WDR70: variants seen among roughly 807,000 people sequenced by gnomAD.
The protein encoded by WDR70 is WD repeat domain 70.
Under a neutral mutation model 88.6 loss-of-function variants are expected in WDR70, and 53 were observed. The ratio of observed to expected loss-of-function variants is 0.60; its 90% CI spans 0.48 to 0.75. WDR70 has a LOEUF of 0.75. Ranked by LOEUF, WDR70 falls within the 30% of genes least tolerant of loss-of-function variation. The pLI, the probability that WDR70 is intolerant of heterozygous loss-of-function variation, is 0.00. For missense variants in WDR70, 610 were observed against 823.2 expected (o/e 0.74, Z 3.17); for synonymous variants, 280 against 270.0 (o/e 1.04, Z -0.36).
At position 37,601,382 on chromosome 5, in the gene WDR70, G is replaced by A. The variant is rs1002839459; in HGVS notation, c.918-3682G>A. Among the ~76,000 whole-genome samples the A allele has an allele frequency of 3.8e-4, 58 of 152,110 alleles. 1 individual carries two copies. Among genetic ancestry groups the A allele is most frequent in the Admixed American group, 3.1e-3 (47 of 15,274 alleles). ...TACCTGGGATAAATCCCATTTGATC[G>A]TGGTGAATTATCTTCTTCATAAGCT... On this transcript the variant is annotated intron_variant, in intron 9 of 17. Transcript: ENST00000265107.
At chr5:37,466,841 T>C (rs1448679483) in intron 7 of WDR70, among the ~76,000 whole-genome samples, 1 of 152,058 alleles carries the variant, frequency 6.6e-6, no homozygotes, top group Non-Finnish European at 1.5e-5. Context: ...TTCCTCGTCA[T>C]GTAAAGTTCT....
rs116043152 is a variant in WDR70, at chr5:37,490,054, C to T, written c.840+10067C>T. On this transcript the variant is annotated intron_variant, in intron 8 of 17. Transcript: ENST00000265107. ...GGGCAATTCCTAGGCCTTCAGATGG[C>T]GTGCTATGGTGCGGCAGGCATTCTG... Among the ~76,000 whole-genome samples, 292 of 152,094 alleles carry T rather than the reference C, an allele frequency of 1.9e-3. 1 individual carries two copies. The highest frequency in any genetic ancestry group is 6.7e-3 in the African/African-American group (279 of 41,490).
At chr5:37,519,878 T>C (rs897253170) in intron 9 of WDR70, among the ~76,000 whole-genome samples, 4 of 152,232 alleles carry the variant, frequency 2.6e-5, no homozygotes, top group African/African-American at 9.6e-5. Flanking sequence ...GTTTTACTAA[T>C]TTACATTTTC....
chr5:37,634,115 C>T lies in WDR70; in HGVS notation c.1092+28877C>T, dbSNP rs879656029. On this transcript the variant is annotated intron_variant, in intron 10 of 17. Coordinates refer to ENST00000265107, the MANE Select transcript of WDR70 (RefSeq NM_018034.4). ...GAGATGGAGACCATCCTGGCTAACA[C>T]GGTGAAACCCCATCTCTACTAAAAA... Among the ~76,000 whole-genome samples the T allele has an allele frequency of 6.6e-5, 10 of 151,594 alleles. No homozygotes were observed. The East Asian group carries it at 1.4e-3, about 21-fold the overall frequency.
At chr5:37,585,703 AG>A (rs2112435334) in intron 9 of WDR70, among the ~76,000 whole-genome samples, 1 of 152,190 alleles carries the variant, frequency 6.6e-6, no homozygotes, top group East Asian at 1.9e-4. Context: ...ATTCCTTTTT[AG>A]CCCCATACTG....
intron 5 of WDR70, among the ~76,000 whole-genome samples, chr5:37,420,848 AG>A (rs1351346663): frequency 1.3e-5 from 2 of 152,074 alleles, no homozygotes; most frequent in African/African-American, 4.8e-5. Flanking sequence ...CAGGAGGCAG[AG>A]GTTGCAGTGA....
At chr5:37,403,892 A>G (rs1212254182) in intron 5 of WDR70, among the ~76,000 whole-genome samples, 1 of 152,048 alleles carries the variant, frequency 6.6e-6, no homozygotes. Flanking sequence ...ACAGGTGCAT[A>G]CAACCACATC....
At chr5:37,606,904 TC>T (rs1744045566) in intron 10 of WDR70, among the ~76,000 whole-genome samples, 2 of 19,644 alleles carry the variant, frequency 1.0e-4, no homozygotes, top group African/African-American at 2.3e-4. Context: ...TCCCCTCCCC[TC>T]CCCTCCCCTC....
intron 10 of WDR70, among the ~76,000 whole-genome samples, chr5:37,617,966 G>C (rs1350015147): frequency 1.3e-5 from 2 of 152,014 alleles, no homozygotes; most frequent in Non-Finnish European, 2.9e-5. Context: ...GAAGCCAGAA[G>C]GAAAATTGAG....
chr5:37,488,114 A>T, intron 8 of WDR70, among the ~76,000 whole-genome samples: 1 of 146,518 alleles, frequency 6.8e-6, no homozygotes. Flanking sequence ...CACTTTGACA[A>T]TATCATTTCA....
chr5:37,634,060 G>A (rs112539415), intron 10 of WDR70, among the ~76,000 whole-genome samples: 24 of 152,164 alleles, frequency 1.6e-4, no homozygotes, highest in African/African-American at 5.5e-4. Context: ...AGCACTTTGG[G>A]AGGTCTTGGT....
rs1160757865 is a variant in WDR70, at chr5:37,703,058, A to G, written c.1387A>G (p.Arg463Gly). Residue 463 changes from arginine (R) to glycine (G), a missense_variant, in exon 13 of 18, where the codon AGG becomes GGG. Arg to Gly is a moderately radical substitution (Grantham distance 125). Coordinates refer to ENST00000265107, the MANE Select transcript of WDR70 (RefSeq NM_018034.4). ...LVFFERRTFQ[R>G]VYEIDITDAS... ...TTTCTTTGAGCGTAGGACTTTCCAAAGGGTGTATGAAATAGACATCACAGA... is the reference window on the plus strand; with the variant it reads ...TTTCTTTGAGCGTAGGACTTTCCAAGGGGTGTATGAAATAGACATCACAGA... 6.2e-7 allele frequency: 1 copy of G among 1,613,098 alleles called. No homozygotes were observed. The highest frequency in any genetic ancestry group is 8.5e-7 in the Non-Finnish European group (1 of 1,179,278).
At chr5:37,561,074 A>G (rs958522889) in intron 9 of WDR70, among the ~76,000 whole-genome samples, 1 of 152,168 alleles carries the variant, frequency 6.6e-6, no homozygotes, top group Non-Finnish European at 1.5e-5. Context: ...TACTGAGTCA[A>G]CTGCATTCTT....
At chr5:37,500,576 A>G (rs1581341781) in intron 8 of WDR70, among the ~76,000 whole-genome samples, 1 of 152,160 alleles carries the variant, frequency 6.6e-6, no homozygotes, top group East Asian at 1.9e-4. Flanking sequence ...CCTTTTCACC[A>G]CATGCACACC....
chr5:37,643,960 T>A (rs957839078), intron 10 of WDR70, among the ~76,000 whole-genome samples: 11 of 152,008 alleles, frequency 7.2e-5, no homozygotes, highest in Admixed American at 7.2e-4. Flanking sequence ...TCCTTTCCAA[T>A]TTGGATGTTT....
intron 5 of WDR70, among the ~76,000 whole-genome samples, chr5:37,415,494 TGG>T: frequency 1.6e-5 from 1 of 60,924 alleles, no homozygotes; most frequent in African/African-American, 7.4e-5. Context: ...AAGGGGCGGC[TGG>T]GGGTGGGGGG....
chr5:37,530,178 C>T (rs530986421), intron 9 of WDR70, among the ~76,000 whole-genome samples: 3 of 152,076 alleles, frequency 2.0e-5, no homozygotes, highest in African/African-American at 4.8e-5. Context: ...TTGATCATGG[C>T]GGATTATATT....
At chr5:37,602,350 T>G (rs942217354) in intron 9 of WDR70, among the ~76,000 whole-genome samples, 3 of 152,114 alleles carry the variant, frequency 2.0e-5, no homozygotes, top group African/African-American at 7.2e-5. Flanking sequence ...GGCTCACGCC[T>G]GTAATCCCAG....
At chr5:37,624,848 C>T (rs1213659776) in intron 10 of WDR70, among the ~76,000 whole-genome samples, 3 of 152,146 alleles carry the variant, frequency 2.0e-5, no homozygotes, top group Non-Finnish European at 4.4e-5. Context: ...TCTCTGAGTA[C>T]GCATTCCTTC....
Sources: allele counts gnomAD v4.1 joint callset (sites outside exome capture counted in the v4.1 genomes callset), GRCh38; gene constraint gnomAD v4.1.1; transcripts MANE v1.5; gene names NCBI Gene and HGNC (gene_info 2026-07-23, HGNC 2026-07-21).